Variants in ADH1B observed in about 807,000 individuals in gnomAD.
The protein encoded by ADH1B is alcohol dehydrogenase 1B (class I), beta polypeptide, also known as all-trans-retinol dehydrogenase [NAD(+)] ADH1B.
A neutral mutation model predicts 34.6 loss-of-function variants in ADH1B; 29 were observed. The ratio of observed to expected loss-of-function variants is 0.84; its 90% CI spans 0.62 to 1.14. The LOEUF (loss-of-function observed/expected upper bound fraction) is 1.14. ADH1B is among the 50% of genes most tolerant of loss of function. ADH1B has a pLI of 0.00. For synonymous variants in ADH1B, 170 were observed against 175.5 expected (o/e 0.97, Z 0.25); for missense variants, 424 against 468.4 (o/e 0.91, Z 0.87).
intron 8 of ADH1B, among the ~76,000 whole-genome samples, 183 bp downstream of exon 8, chr4:99,310,582 T>C (rs1324074852): frequency 6.6e-6 from 1 of 152,200 alleles, no homozygotes; most frequent in Non-Finnish European, 1.5e-5. Context: ...GAATAGGAAA[T>C]GCAAAGCAAC....
chr4:99,314,434 T>C (rs1733829070), intron 5 of ADH1B: 1 of 266,946 alleles, frequency 3.7e-6, no homozygotes. Context: ...TGGATGATCT[T>C]TGAGATCCAG....
chr4:99,318,910 G>A, intron 1 of ADH1B, 24 bp from the exon 2 acceptor site: 3 of 1,605,386 alleles, frequency 1.9e-6, no homozygotes, highest in East Asian at 2.2e-5. Flanking sequence ...CAGAGAGATG[G>A]TGACAGTGTT....
At chr4:99,314,363 T>G in intron 5 of ADH1B, 1 of 470,258 alleles carries the variant, frequency 2.1e-6, no homozygotes, top group Non-Finnish European at 3.7e-6. Context: ...GAGGAATCTC[T>G]GCAGGTGGAC....
At position 99,307,847 on chromosome 4, in the gene ADH1B, G is replaced by C. The variant is rs1224474892; in HGVS notation, c.1121C>G (p.Thr374Arg). 1 of 1,613,872 alleles carries C rather than the reference G, an allele frequency of 6.2e-7. No homozygotes were observed. Among genetic ancestry groups the C allele is most frequent in the Admixed American group, 1.7e-5 (1 of 60,012 alleles). ...GAAGGCATCTCTATTGCCTCAAAAC[G>C]TCAGGACGGTACGGATACTGCAATA... ...HSGKSIRTVL[T>R]F The change falls in exon 9 of 9, where the codon ACG (threonine) becomes AGG (arginine). Residue 374 changes from threonine (T) to arginine (R), a missense_variant. Physicochemically the swap from Thr to Arg is moderately conservative, Grantham distance 71 (BLOSUM62 -1). Around this residue, in one of 3 missense-constraint regions of ADH1B, gnomAD observed 130 missense variants for 151.8 expected, o/e 0.86. Coordinates refer to ENST00000305046, the MANE Select transcript of ADH1B (RefSeq NM_000668.6).
chr4:99,314,139 G>A, intron 5 of ADH1B, 58 bp from the exon 6 acceptor site: 3 of 1,592,702 alleles, frequency 1.9e-6, no homozygotes, highest in South Asian at 2.3e-5. Flanking sequence ...AAGTGCCTAA[G>A]CTTCATAAAG....
At position 99,317,956 on chromosome 4, in the gene ADH1B, C is replaced by CT. The variant is rs1314365571; in HGVS notation, c.259+89dup. 2.6e-6 allele frequency: 4 copies of CT among 1,567,270 alleles called. No homozygotes were observed. The African/African-American group carries it at 5.5e-5, about 21-fold the overall frequency. The stretch of plus-strand genomic sequence containing the variant: ...GCTGCGCGGTGACCTTGTGCAAGCA[C>CT]TTTCGTCTCTCATTGCCTTGGTTTC... On this transcript the variant is annotated intron_variant, in intron 3 of 8. Coordinates refer to ENST00000305046, the MANE Select transcript of ADH1B (RefSeq NM_000668.6).
At chr4:99,315,691 G>A (rs1273918117) in intron 5 of ADH1B, 1 of 637,344 alleles carries the variant, frequency 1.6e-6, no homozygotes, top group Non-Finnish European at 2.7e-6. Context: ...TATTGTAAAT[G>A]ACATCTTTAT....
intron 8 of ADH1B, among the ~76,000 whole-genome samples, chr4:99,310,137 G>A (rs1433749383): frequency 1.3e-5 from 2 of 152,034 alleles, no homozygotes. Context: ...AATGTTAGAG[G>A]TAGGAAATAG....
At chr4:99,317,843 G>A (rs867208935) in intron 3 of ADH1B, 8 of 762,610 alleles carry the variant, frequency 1.0e-5, no homozygotes, top group Middle Eastern at 3.9e-4. Context: ...GTACATAATG[G>A]TTGAAGGGTA....
At position 99,314,024 on chromosome 4, in the gene ADH1B, C is replaced by T. The variant is rs371001544; in HGVS notation, c.625G>A (p.Val209Ile). ...GCTCCAGCTGCTTTACAGCCCATAACAGCAGATAGGCCGACCCCTCCCAGG... is the reference window on the plus strand; with the variant it reads ...GCTCCAGCTGCTTTACAGCCCATAATAGCAGATAGGCCGACCCCTCCCAGG... The part of the protein sequence containing the change: ...FGLGGVGLSA[V>I]MGCKAAGAAR... Residue 209 changes from valine (V) to isoleucine (I), a missense_variant, in exon 6 of 9, where the codon GTT (valine) becomes ATT (isoleucine). Val to Ile is a conservative substitution (Grantham distance 29). Around this residue, in one of 3 missense-constraint regions of ADH1B, gnomAD observed 291 missense variants for 300.4 expected, o/e 0.97. Transcript: ENST00000305046. The T allele has an allele frequency of 3.8e-5, 62 of 1,614,196 alleles. No homozygotes were observed. Among genetic ancestry groups the T allele is most frequent in the Admixed American group, 3.8e-4 (23 of 60,026 alleles).
chr4:99,310,427 A>G (rs1250309491), intron 8 of ADH1B: 3 of 400,602 alleles, frequency 7.5e-6, no homozygotes, highest in Non-Finnish European at 1.4e-5. Context: ...CTTCAAAGAC[A>G]CCATGTTATA....
At position 99,311,530 on chromosome 4, in the gene ADH1B, C is replaced by T; in HGVS notation, c.955G>A (p.Val319Ile). ...GAGCCCAACTACATACCACCATAAA[C>T]AGCCCCCTTCCAGGTGCGTCCAGTC... is the stretch of plus-strand genomic sequence containing the variant. ...LLTGRTWKGA[V>I]YGGFKSKEGI... is the part of the protein sequence containing the mutation. The change falls in exon 7 of 9, where the codon GTT becomes ATT. Residue 319 changes from valine to isoleucine, a missense_variant. Around this residue, in one of 3 missense-constraint regions of ADH1B, gnomAD observed 130 missense variants for 151.8 expected, o/e 0.86. Coordinates refer to ENST00000305046, the MANE Select transcript of ADH1B (RefSeq NM_000668.6). 2 of 1,613,750 alleles carry T rather than the reference C, an allele frequency of 1.2e-6. No individual in the cohort carries two copies. Among genetic ancestry groups the T allele is most frequent in the Non-Finnish European group, 1.7e-6 (2 of 1,179,750 alleles).
chr4:99,318,814 G>T lies in ADH1B; in HGVS notation c.91C>A (p.Pro31Thr), dbSNP rs775325816. ...ATGCGAACTTCATAAGCCTTAGGAG[G>T]TGCAACCTCCACATCCTCAATGGAA... is the stretch of plus-strand genomic sequence containing the variant. ...PFSIEDVEVAPPKAYEVRIKM... is the reference protein window; with the variant it reads ...PFSIEDVEVATPKAYEVRIKM... The change falls in exon 2 of 9, where the codon CCT (proline) becomes ACT (threonine). Residue 31 changes from proline to threonine, a missense_variant. By Grantham distance (38) the Pro-to-Thr change is conservative. Around this residue, in one of 3 missense-constraint regions of ADH1B, gnomAD observed 291 missense variants for 300.4 expected, o/e 0.97. Coordinates refer to ENST00000305046, the MANE Select transcript of ADH1B (RefSeq NM_000668.6). 2.1e-4 allele frequency: 337 copies of T among 1,613,660 alleles called. 1 individual carries two copies. The highest frequency in any genetic ancestry group is 2.7e-4 in the Non-Finnish European group (319 of 1,179,840).
chr4:99,307,955 G>A (rs1472188573), intron 8 of ADH1B, 91 bp from the exon 9 acceptor site: 5 of 1,546,152 alleles, frequency 3.2e-6, no homozygotes, highest in Middle Eastern at 1.7e-4. Context: ...GTGTCTTAGT[G>A]AAAATCTGTC....
Position 99,310,682 on chromosome 4 carries a change from A to G in ADH1B, c.1103+83T>C. ...AAACCAAGGGACTCTATATTTTCTC[A>G]TCTTTCCACCTTTTTCATTCTCTGC... On this transcript the variant is annotated intron_variant, in intron 8 of 8. Transcript: ENST00000305046. The G allele has an allele frequency of 2.6e-6, 4 of 1,521,322 alleles. No individual in the cohort carries two copies. The South Asian group carries it at 5.3e-5, about 20-fold the overall frequency. 94.2% of individuals were successfully genotyped at this position (1,521,322 alleles called of 1,614,324 possible).
intron 3 of ADH1B, 162 bp from the exon 4 acceptor site, chr4:99,316,464 T>C: frequency 1.2e-6 from 1 of 803,640 alleles, no homozygotes. Context: ...TGCCACAGCA[T>C]TGTTTTCAGT....
chr4:99,308,914 A>G (rs549988428), intron 8 of ADH1B, among the ~76,000 whole-genome samples: 1 of 152,034 alleles, frequency 6.6e-6, no homozygotes, highest in Non-Finnish European at 1.5e-5. Context: ...ACATGTATAC[A>G]TATGTAACTA....
intron 8 of ADH1B, among the ~76,000 whole-genome samples, chr4:99,309,957 A>G (rs568146415): frequency 6.6e-6 from 1 of 152,296 alleles, no homozygotes; most frequent in South Asian, 2.1e-4. Context: ...GTGAGTGCCA[A>G]AGAAACACTA....
chr4:99,311,318 A>C (rs547468028), intron 7 of ADH1B, among the ~76,000 whole-genome samples: 1 of 152,172 alleles, frequency 6.6e-6, no homozygotes, highest in Non-Finnish European at 1.5e-5. Flanking sequence ...AAAAAAGTCT[A>C]TATTGGGACC....
Sources: allele counts gnomAD v4.1 joint callset (sites outside exome capture counted in the v4.1 genomes callset), GRCh38; gene constraint gnomAD v4.1.1; regional missense constraint gnomAD v4.1.1; transcripts MANE v1.5; gene names NCBI Gene and HGNC (gene_info 2026-07-23, HGNC 2026-07-21).